Variants in MYPN observed in about 807,000 individuals in gnomAD.
MYPN encodes the protein sarcomeric protein myopalladin, 145 kDa (MYOP).
A neutral mutation model predicts 129.4 loss-of-function variants in MYPN; 63 were observed. The ratio of observed to expected loss-of-function variants is 0.49; its 90% CI spans 0.40 to 0.60. MYPN has a LOEUF of 0.60. Ranked by LOEUF, MYPN falls within the 20% of genes least tolerant of loss-of-function variation. The probability of loss-of-function intolerance (pLI) is 0.00; values close to 1 mark genes in which losing one functional copy is unlikely to be tolerated. For synonymous variants in MYPN, 629 were observed against 600.9 expected (o/e 1.05, Z -0.68); for missense variants, 1,596 against 1,635.4 (o/e 0.98, Z 0.42).
chr10:68,174,902 A>G (rs1397835692), intron 11 of MYPN, among the ~76,000 whole-genome samples: 1 of 152,180 alleles, frequency 6.6e-6, no homozygotes, highest in African/African-American at 2.4e-5. Context: ...TGGGAGGCCG[A>G]GGAAGGCAGA....
At chr10:68,097,922 A>G (rs1467122118) in intron 1 of MYPN, among the ~76,000 whole-genome samples, 1 of 152,160 alleles carries the variant, frequency 6.6e-6, no homozygotes, top group Non-Finnish European at 1.5e-5. Flanking sequence ...GTTCATGTGC[A>G]TCATTATTCT....
At chr10:68,160,250 C>CAAA (rs1164866963) in intron 7 of MYPN, among the ~76,000 whole-genome samples, 1 of 147,090 alleles carries the variant, frequency 6.8e-6, no homozygotes, top group African/African-American at 2.5e-5. Context: ...CTGTTTCCAC[C>CAAA]AAAAACAACA....
chr10:68,112,304 C>T (rs2042092842), intron 1 of MYPN, among the ~76,000 whole-genome samples: 1 of 152,168 alleles, frequency 6.6e-6, no homozygotes. Flanking sequence ...TGAGCTCTGG[C>T]TGCAGTGTCT....
intron 2 of MYPN, among the ~76,000 whole-genome samples, chr10:68,131,042 C>A (rs1039287991): frequency 3.3e-5 from 5 of 152,094 alleles, no homozygotes; most frequent in Non-Finnish European, 7.4e-5. Context: ...GGATTTTTGG[C>A]CTTTCTTGCT....
intron 2 of MYPN, among the ~76,000 whole-genome samples, chr10:68,131,271 C>G (rs1453009003): frequency 1.3e-5 from 2 of 151,786 alleles, no homozygotes; most frequent in African/African-American, 4.8e-5. Context: ...CACCTGCAGT[C>G]TCAGTTACTT....
intron 8 of MYPN, 133 bp from the exon 9 acceptor site, chr10:68,165,556 ACAATTGTTTTGAC>A: frequency 1.4e-6 from 1 of 728,466 alleles, no homozygotes; most frequent in Non-Finnish European, 2.5e-6. Context: ...ATTCAATCAA[ACAATTGTTTTGAC>A]CAATTGTTTT....
rs142475557 is a variant in MYPN, at chr10:68,211,907, G to A, written c.*1452G>A. On this transcript the variant is annotated 3_prime_UTR_variant, in exon 20 of 20. Coordinates refer to ENST00000358913, the MANE Select transcript of MYPN (RefSeq NM_032578.4). ...GTGCTGTCTGTGCCAAGCACACTCA[G>A]CTGGCATTGTATTTGTGTGAACAGA... 1,740 of 435,416 alleles carry A rather than the reference G, an allele frequency of 4.0e-3. 18 individuals carry two copies. Among genetic ancestry groups the A allele is most frequent in the African/African-American group, 0.016 (808 of 49,476 alleles). 27.0% of individuals were successfully genotyped at this position (435,416 alleles called of 1,614,324 possible).
rs780542025 is a variant in MYPN at position 68,182,471 on chromosome 10, T to TATACAC, written c.2704-6433_2704-6432insTACACA. Among the ~76,000 whole-genome samples the TATACAC allele has an allele frequency of 1.4e-3, 148 of 104,662 alleles. 7 individuals are homozygous for TATACAC. The highest frequency in any genetic ancestry group is 2.1e-3 in the Non-Finnish European group (107 of 50,468). 68.7% of individuals were successfully genotyped at this position (104,662 alleles called of 152,430 possible). On this transcript the variant is annotated intron_variant, in intron 12 of 19. Transcript: ENST00000358913. ...ATATAACATATATATATAACATATA[T>TATACAC]ACACACACACACACACACACACACA...
At chr10:68,151,001 G>A (rs1228321334) in intron 6 of MYPN, among the ~76,000 whole-genome samples, 2 of 152,256 alleles carry the variant, frequency 1.3e-5, no homozygotes, top group Middle Eastern at 3.4e-3. Flanking sequence ...TGGCACTTTT[G>A]TTGTCACAGC....
intron 1 of MYPN, among the ~76,000 whole-genome samples, chr10:68,096,809 C>G (rs1396119606): frequency 1.3e-5 from 2 of 152,194 alleles, no homozygotes; most frequent in African/African-American, 2.4e-5. Flanking sequence ...CTAGATTTCT[C>G]TATTCAAAAT....
Position 68,166,352 on chromosome 10 carries a change from G to A in MYPN, c.1659G>A (p.Leu553=). 6.2e-7 allele frequency: 1 copy of A among 1,613,986 alleles called. No individual in the cohort carries two copies. The highest frequency in any genetic ancestry group is 1.1e-5 in the South Asian group (1 of 91,076). Reference sequence around the variant, plus strand: ...ACTCAGCCAACTCTACCACCAACCTGGCAGCTATTGAGCCACAGCCCTCCC... The same window carrying A: ...ACTCAGCCAACTCTACCACCAACCTAGCAGCTATTGAGCCACAGCCCTCCC... ...SLHSANSTTN[L]AAIEPQPSPP... Residue 553 remains leucine, a synonymous_variant, in exon 10 of 20, where the codon CTG becomes CTA. Coordinates refer to ENST00000358913, the MANE Select transcript of MYPN (RefSeq NM_032578.4).
At chr10:68,169,630 A>G (rs1323726139) in intron 10 of MYPN, among the ~76,000 whole-genome samples, 3 of 152,100 alleles carry the variant, frequency 2.0e-5, no homozygotes, top group Non-Finnish European at 4.4e-5. Flanking sequence ...GCCATCCCAA[A>G]CACTGGCTTC....
At chr10:68,186,342 C>G (rs1004555098) in intron 12 of MYPN, among the ~76,000 whole-genome samples, 2 of 152,078 alleles carry the variant, frequency 1.3e-5, no homozygotes, top group African/African-American at 4.8e-5. Context: ...TATCCAAATT[C>G]AGATGATTAT....
At position 68,197,408 on chromosome 10, in the gene MYPN, G is replaced by T; in HGVS notation, c.3215G>T (p.Arg1072Leu). ...GAGCCCCTACAGGAACGCTTTTTCC[G>T]ACCACATTTCCTGCAGGCTCCTGGG... ...DKEPLQERFF[R>L]PHFLQAPGDM... The change falls in exon 16 of 20, where the codon CGA (arginine) becomes CTA (leucine). Residue 1072 changes from arginine (R) to leucine (L), a missense_variant. Transcript: ENST00000358913. The T allele has an allele frequency of 1.9e-6, 3 of 1,613,894 alleles. No homozygotes were observed. The South Asian group carries it at 3.3e-5, about 18-fold the overall frequency.
chr10:68,165,450 T>TA (rs1205120102), intron 8 of MYPN: 1 of 541,598 alleles, frequency 1.8e-6, no homozygotes, highest in Non-Finnish European at 3.5e-6. Flanking sequence ...AGACTCCACC[T>TA]AAAAAAACAA....
chr10:68,107,313 C>T (rs2042023014), upstream of MYPN, among the ~76,000 whole-genome samples: 1 of 150,018 alleles, frequency 6.7e-6, no homozygotes, highest in African/African-American at 2.4e-5. Context: ...AGATGACTGC[C>T]ATTCAGAATG....
At chr10:68,207,991 T>G in intron 19 of MYPN, among the ~76,000 whole-genome samples, 1 of 152,160 alleles carries the variant, frequency 6.6e-6, no homozygotes, top group East Asian at 1.9e-4. Context: ...TGACTACAGC[T>G]AGGAAGCAAA....
At chr10:68,175,141 A>C (rs11330485) in intron 11 of MYPN, among the ~76,000 whole-genome samples, 182 bp from the exon 12 acceptor site, 1 of 147,052 alleles carries the variant, frequency 6.8e-6, no homozygotes, top group African/African-American at 2.5e-5. Context: ...CAAAAAAAAA[A>C]TTTTTTAAAT....
chr10:68,132,144 T>C (rs552295955), intron 2 of MYPN, among the ~76,000 whole-genome samples: 95 of 152,346 alleles, frequency 6.2e-4, no homozygotes, highest in Non-Finnish European at 1.2e-3. Context: ...TAACATATTA[T>C]GTAGGATTTT....
Sources: gnomAD v4.1 joint callset for allele counts (sites outside exome capture counted in the v4.1 genomes callset) on GRCh38, gnomAD v4.1.1 for gene constraint, MANE v1.5 for transcripts, NCBI Gene and HGNC (gene_info 2026-07-23, HGNC 2026-07-21) for gene names.